The following TMEM132E variants were observed in gnomAD, a reference collection of about 807,000 sequenced individuals.
TMEM132E encodes transmembrane protein 132E.
A neutral mutation model predicts 78.5 loss-of-function variants in TMEM132E; 49 were observed. The ratio of observed to expected loss-of-function variants is 0.62; its 90% confidence interval spans 0.50 to 0.79. The LOEUF is 0.79. Ranked by LOEUF, TMEM132E falls within the 30% of genes least tolerant of loss-of-function variation. The pLI, the probability that TMEM132E is intolerant of heterozygous loss-of-function variation, is 0.00. For synonymous variants in TMEM132E, 715 were observed against 670.6 expected, an observed-to-expected ratio of 1.07 and a Z score of -1.02; for missense variants, 1,403 against 1,470.9, an observed-to-expected ratio of 0.95 and a Z score of 0.75.
chr17:34,637,886 C>A lies in TMEM132E; in HGVS notation c.2879C>A (p.Thr960Asn), dbSNP rs1162973061. 6.2e-7 allele frequency: 1 copy of A among 1,607,766 alleles called. No individual in the cohort carries two copies. Among genetic ancestry groups the A allele is most frequent in the South Asian group, 1.1e-5 (1 of 90,978 alleles). ...LSPPAGNPLE[T>N]VPAFCHGDHH... is the part of the protein sequence containing the mutation. ...CCGCCAGCAGGCAACCCGCTGGAAA[C>A]CGTGCCCGCCTTCTGCCACGGCGAC... is the stretch of plus-strand genomic sequence containing the variant. The change falls in exon 9 of 9, where the codon ACC (threonine) becomes AAC (asparagine). Residue 960 changes from threonine to asparagine, a missense_variant. Physicochemically the swap from Thr to Asn is moderately conservative, Grantham distance 65. This residue lies in a region of TMEM132E where 888 missense variants were observed against 952.8 expected (regional missense o/e 0.93). Coordinates refer to ENST00000631683, the MANE Select transcript of TMEM132E (RefSeq NM_001304438.2).
intron 1 of TMEM132E, among the ~76,000 whole-genome samples, chr17:34,610,251 C>A (rs1049791052): frequency 1.3e-5 from 2 of 152,226 alleles, no homozygotes; most frequent in Non-Finnish European, 2.9e-5. Flanking sequence ...AAACTATCTT[C>A]TTTATCTCTG....
At chr17:34,626,096 C>A in intron 1 of TMEM132E, 31 bp from the exon 2 acceptor site, 1 of 1,474,774 alleles carries the variant, frequency 6.8e-7, no homozygotes, top group Non-Finnish European at 9.0e-7. Context: ...CTCCTGACCA[C>A]CCTGGGCCTC....
intron 1 of TMEM132E, among the ~76,000 whole-genome samples, chr17:34,607,912 C>T (rs1202191274): frequency 1.3e-5 from 2 of 152,166 alleles, no homozygotes; most frequent in Non-Finnish European, 2.9e-5. Flanking sequence ...ATATATTGTT[C>T]ACCAACCTGG....
chr17:34,638,210 G>T lies in TMEM132E; in HGVS notation c.3203G>T (p.Arg1068Leu), dbSNP rs1030647229. ...TAPPDLHNYM[R>L]RIKEIA is the part of the protein sequence containing the mutation. Reference sequence around the variant, plus strand: ...CCCCCGGACCTGCACAATTACATGCGCAGAATCAAAGAGATTGCATAGAGG... The same window carrying T: ...CCCCCGGACCTGCACAATTACATGCTCAGAATCAAAGAGATTGCATAGAGG... Residue 1068 changes from arginine to leucine, a missense_variant, in exon 9 of 9, where the codon CGC becomes CTC. Transcript: ENST00000631683. The T allele has an allele frequency of 5.0e-6, 8 of 1,598,466 alleles. No individual in the cohort carries two copies. The highest frequency in any genetic ancestry group is 6.8e-6 in the Non-Finnish European group (8 of 1,174,168).
intron 1 of TMEM132E, among the ~76,000 whole-genome samples, chr17:34,603,454 C>T (rs761661513): frequency 1.3e-5 from 2 of 152,174 alleles, no homozygotes; most frequent in African/African-American, 4.8e-5. Flanking sequence ...GTATGACTCC[C>T]AGGCTCAACT....
intron 1 of TMEM132E, among the ~76,000 whole-genome samples, chr17:34,585,444 G>A (rs1210682088): frequency 6.6e-6 from 1 of 152,220 alleles, no homozygotes; most frequent in Non-Finnish European, 1.5e-5. Flanking sequence ...AGGGGAGTGT[G>A]TAGTAGCGGG....
At chr17:34,592,316 G>A (rs1034350110) in intron 1 of TMEM132E, among the ~76,000 whole-genome samples, 2 of 152,142 alleles carry the variant, frequency 1.3e-5, no homozygotes, top group Non-Finnish European at 2.9e-5. Context: ...TCCAGCAGCC[G>A]GCCCCCATCA....
intron 1 of TMEM132E, among the ~76,000 whole-genome samples, chr17:34,605,402 A>G (rs1906379364): frequency 6.6e-6 from 1 of 152,096 alleles, no homozygotes; most frequent in African/African-American, 2.4e-5. Context: ...GCTAGCTTCT[A>G]TGGAAGGCCT....
chr17:34,612,778 G>T (rs1477065729), intron 1 of TMEM132E, among the ~76,000 whole-genome samples: 1 of 152,150 alleles, frequency 6.6e-6, no homozygotes, highest in Non-Finnish European at 1.5e-5. Flanking sequence ...CCCAGGACCA[G>T]GGAAATCAGG....
chr17:34,638,102 C>G lies in TMEM132E; in HGVS notation c.3095C>G (p.Pro1032Arg). The G allele has an allele frequency of 6.3e-7, 1 of 1,598,584 alleles. No homozygotes were observed. Among genetic ancestry groups the G allele is most frequent in the African/African-American group, 1.3e-5 (1 of 74,866 alleles). The change falls in exon 9 of 9, where the codon CCC (proline) becomes CGC (arginine). Residue 1032 changes from proline to arginine, a missense_variant. Physicochemically the swap from Pro to Arg is moderately radical, Grantham distance 103. Coordinates refer to ENST00000631683, the MANE Select transcript of TMEM132E (RefSeq NM_001304438.2). ...PSEELAYDSV[P>R]AGEEDEEEEE... Reference sequence around the variant, plus strand: ...GAGGAGCTGGCCTATGACTCGGTGCCCGCGGGCGAAGAGGACGAGGAGGAG... The same window carrying G: ...GAGGAGCTGGCCTATGACTCGGTGCGCGCGGGCGAAGAGGACGAGGAGGAG...
chr17:34,618,895 C>A (rs966064492), intron 1 of TMEM132E, among the ~76,000 whole-genome samples: 8 of 152,200 alleles, frequency 5.3e-5, no homozygotes, highest in African/African-American at 1.9e-4. Context: ...TCAGATTTGC[C>A]AATCAGCCAA....
chr17:34,586,541 G>T (rs541324666), intron 1 of TMEM132E, among the ~76,000 whole-genome samples: 37 of 151,388 alleles, frequency 2.4e-4, no homozygotes, highest in African/African-American at 5.8e-4. Flanking sequence ...TGCAACAAGT[G>T]GGGGGGGACA....
chr17:34,612,605 C>T (rs1345685580), intron 1 of TMEM132E, among the ~76,000 whole-genome samples: 4 of 152,206 alleles, frequency 2.6e-5, no homozygotes, highest in Non-Finnish European at 5.9e-5. Context: ...TCAGGAATGT[C>T]GTCAAAACAT....
chr17:34,610,892 T>C lies in TMEM132E; in HGVS notation c.68-15235T>C, dbSNP rs76294833. On this transcript the variant is annotated intron_variant, in intron 1 of 8. Transcript: ENST00000631683. ...TGGTGCTATTCATTTTTATACCAAA[T>C]ATGGATGTTCTCAGAACTGTCATGG... 2.3e-3 allele frequency among the ~76,000 whole-genome samples: 357 copies of C among 152,318 alleles called. 1 individual carries two copies. The highest frequency in any genetic ancestry group is 8.3e-3 in the African/African-American group (345 of 41,566).
intron 1 of TMEM132E, among the ~76,000 whole-genome samples, chr17:34,605,936 A>G (rs941747868): frequency 6.6e-6 from 1 of 152,170 alleles, no homozygotes; most frequent in Non-Finnish European, 1.5e-5. Context: ...AATCTCATCC[A>G]CTAAACCAAG....
intron 1 of TMEM132E, among the ~76,000 whole-genome samples, chr17:34,596,853 CAAAAAAAA>C (rs35038070): frequency 1.4e-5 from 1 of 72,366 alleles, no homozygotes; most frequent in Non-Finnish European, 2.7e-5. Flanking sequence ...CTAAGTAGCT[CAAAAAAAA>C]AAAAAAAAAA....
chr17:34,637,866 A>G lies in TMEM132E; in HGVS notation c.2859A>G (p.Pro953=), dbSNP rs750568425. 2.6e-5 allele frequency: 42 copies of G among 1,609,030 alleles called. No individual in the cohort carries two copies. In the South Asian group the frequency reaches 3.0e-4, roughly 11 times the overall value. ...PLRVQGELSP[P]AGNPLETVPA... is the part of the protein sequence containing the mutation. Reference sequence around the variant, plus strand: ...GGGTGCAAGGAGAGCTGTCGCCGCCAGCAGGCAACCCGCTGGAAACCGTGC... The same window carrying G: ...GGGTGCAAGGAGAGCTGTCGCCGCCGGCAGGCAACCCGCTGGAAACCGTGC... The change falls in exon 9 of 9, where the codon CCA becomes CCG. Residue 953 remains proline (P), a synonymous_variant. Transcript: ENST00000631683.
chr17:34,603,359 C>G (rs992982715), intron 1 of TMEM132E, among the ~76,000 whole-genome samples: 1 of 152,100 alleles, frequency 6.6e-6, no homozygotes, highest in Non-Finnish European at 1.5e-5. Flanking sequence ...GCTCAACCCC[C>G]TCTTGTTATT....
In TMEM132E at chr17:34,619,450, A is replaced by G. The variant is rs147073638; in HGVS notation, c.68-6677A>G. On this transcript the variant is annotated intron_variant, in intron 1 of 8. Coordinates refer to ENST00000631683, the MANE Select transcript of TMEM132E (RefSeq NM_001304438.2). ...CCTGTCCCCTGGAAATTCTCACTGTATAGGCACTAATCATGGCTCATGCCC... is the reference window on the plus strand; with the variant it reads ...CCTGTCCCCTGGAAATTCTCACTGTGTAGGCACTAATCATGGCTCATGCCC... Among the ~76,000 whole-genome samples the G allele has an allele frequency of 5.3e-5, 8 of 151,062 alleles. No individual in the cohort carries two copies. The East Asian group carries it at 1.2e-3, about 22-fold the overall frequency.
Sources: gnomAD v4.1 joint callset for allele counts (sites outside exome capture counted in the v4.1 genomes callset) on GRCh38, gnomAD v4.1.1 for gene constraint, gnomAD v4.1.1 regional missense constraint, MANE v1.5 for transcripts, NCBI Gene and HGNC (gene_info 2026-07-23, HGNC 2026-07-21) for gene names.